ITFG1: variants seen among roughly 807,000 people sequenced by gnomAD.
ITFG1 encodes integrin alpha FG-GAP repeat containing 1, also known as T-cell immunomodulatory protein.
Under a neutral mutation model 81.8 loss-of-function variants are expected in ITFG1, and 34 were observed. That is an observed-to-expected ratio of 0.42 (90% confidence interval 0.32 to 0.55). The LOEUF is 0.55. Among genes scored for constraint, ITFG1 ranks in the 20% least tolerant of loss-of-function variants. The pLI, the probability that ITFG1 is intolerant of heterozygous loss-of-function variation, is 0.17. For missense variants in ITFG1, 672 were observed against 755.4 expected, an observed-to-expected ratio of 0.89 and a Z score of 1.29; for synonymous variants, 285 against 270.6, an observed-to-expected ratio of 1.05 and a Z score of -0.52.
chr16:47,343,299 T>C lies in ITFG1; in HGVS notation c.802+22489A>G, dbSNP rs752950309. On this transcript the variant is annotated intron_variant, in intron 8 of 17. Coordinates refer to ENST00000320640, the MANE Select transcript of ITFG1 (RefSeq NM_030790.5). ...ACATGAAAAAGGACCCAGCATCTTT[T>C]TGTACTCATACCATGTACAAAAACT... Among the ~76,000 whole-genome samples, 4 of 152,238 alleles carry C rather than the reference T, an allele frequency of 2.6e-5. No homozygotes were observed. In the East Asian group the frequency reaches 5.8e-4, roughly 22 times the overall value.
intron 13 of ITFG1, among the ~76,000 whole-genome samples, chr16:47,220,206 T>C (rs951769081): frequency 1.3e-5 from 2 of 152,218 alleles, no homozygotes; most frequent in Non-Finnish European, 2.9e-5. Context: ...CCAGTTCCTC[T>C]ACACAGTGGT....
In ITFG1 at chr16:47,161,754, G is replaced by A. The variant is rs1235707291; in HGVS notation, c.1657C>T (p.Arg553Ter). 1 of 1,602,906 alleles carries A rather than the reference G, an allele frequency of 6.2e-7. No individual in the cohort carries two copies. Among genetic ancestry groups the A allele is most frequent in the Non-Finnish European group, 8.5e-7 (1 of 1,170,208 alleles). Reference sequence around the variant, plus strand: ...CGGTTCAAGCAAGTACATTACCTTCGAGGGACATTGTGAGGGTATGGAATG... The same window carrying A: ...CGGTTCAAGCAAGTACATTACCTTCAAGGGACATTGTGAGGGTATGGAATG... ...IVIPYPHNVP[R>*]SWSAKLYLTP... is the part of the protein sequence containing the mutation. Residue 553 changes from arginine (R) to a stop codon, truncating the protein, a stop_gained, in exon 16 of 18, where the codon CGA becomes TGA. Transcript: ENST00000320640. LOFTEE classifies it high-confidence loss of function.
intron 6 of ITFG1, among the ~76,000 whole-genome samples, chr16:47,376,945 G>A (rs904082605): frequency 8.4e-6 from 1 of 119,068 alleles, no homozygotes; most frequent in East Asian, 2.7e-4. Flanking sequence ...CCTGGAGACA[G>A]AGGGAGACTC....
intron 6 of ITFG1, among the ~76,000 whole-genome samples, chr16:47,385,673 C>T (rs1968452154): frequency 6.6e-6 from 1 of 152,196 alleles, no homozygotes; most frequent in Non-Finnish European, 1.5e-5. Flanking sequence ...TTCTAATGAA[C>T]CTTCTTTTTC....
rs1021993315 is a variant in ITFG1, at chr16:47,346,836, A to G, written c.802+18952T>C. ...CTGCTGAATTCTACCAAACCATGTA[A>G]AGAAGAACTAATACCAATTCTCAGA... On this transcript the variant is annotated intron_variant, in intron 8 of 17. Transcript: ENST00000320640. Among the ~76,000 whole-genome samples, 8 of 152,206 alleles carry G rather than the reference A, an allele frequency of 5.3e-5. No individual in the cohort carries two copies. The South Asian group carries it at 6.2e-4, about 12-fold the overall frequency.
At chr16:47,319,266 A>G (rs574647028) in intron 8 of ITFG1, among the ~76,000 whole-genome samples, 2 of 152,350 alleles carry the variant, frequency 1.3e-5, no homozygotes, top group South Asian at 4.1e-4. Flanking sequence ...CTCATTGCAG[A>G]TAAAAGTTTT....
intron 8 of ITFG1, among the ~76,000 whole-genome samples, chr16:47,361,288 G>C (rs1968105809): frequency 6.6e-6 from 1 of 152,048 alleles, no homozygotes; most frequent in African/African-American, 2.4e-5. Context: ...AAAAAATGCT[G>C]ACATTCTGTA....
chr16:47,259,336 G>C (rs1347872861), intron 11 of ITFG1, among the ~76,000 whole-genome samples: 2 of 151,972 alleles, frequency 1.3e-5, no homozygotes, highest in African/African-American at 4.8e-5. Flanking sequence ...TTAACTATTT[G>C]ACTTTCATAG....
At chr16:47,190,934 TGAAGGAGAA>T (rs1965284518) in intron 14 of ITFG1, among the ~76,000 whole-genome samples, 1 of 152,172 alleles carries the variant, frequency 6.6e-6, no homozygotes, top group Non-Finnish European at 1.5e-5. Context: ...TCTTTCATCC[TGAAGGAGAA>T]TAGCCTGGCT....
chr16:47,428,877 T>C lies in ITFG1; in HGVS notation c.582A>G (p.Ala194=). ...LLGGNLSWHP[A]LTTTSKMRIP... is the part of the protein sequence containing the mutation. Reference sequence around the variant, plus strand: ...TTCGCATTTTACTTGTAGTGGTCAATGCTGGATGCCATGATAAATTCCTAA... The same window carrying C: ...TTCGCATTTTACTTGTAGTGGTCAACGCTGGATGCCATGATAAATTCCTAA... Residue 194 remains alanine (A), a synonymous_variant, in exon 6 of 18, where the codon GCA becomes GCG. Transcript: ENST00000320640. 1.3e-6 allele frequency: 2 copies of C among 1,597,080 alleles called. No individual in the cohort carries two copies. Among genetic ancestry groups the C allele is most frequent in the African/African-American group, 1.3e-5 (1 of 74,612 alleles).
intron 8 of ITFG1, among the ~76,000 whole-genome samples, chr16:47,357,450 T>A (rs561199460): frequency 7.8e-4 from 118 of 151,768 alleles, no homozygotes; most frequent in African/African-American, 2.8e-3. Flanking sequence ...CCGTCTCTAC[T>A]AAAAATACAA....
At chr16:47,349,970 T>C (rs532960100) in intron 8 of ITFG1, among the ~76,000 whole-genome samples, 1 of 152,204 alleles carries the variant, frequency 6.6e-6, no homozygotes, top group South Asian at 2.1e-4. Flanking sequence ...ACTAGGTAGG[T>C]AAATAACGAA....
intron 14 of ITFG1, among the ~76,000 whole-genome samples, chr16:47,189,303 C>G (rs532511567): frequency 6.6e-6 from 1 of 152,112 alleles, no homozygotes; most frequent in African/African-American, 2.4e-5. Context: ...GCAACTGACA[C>G]CAATTCCAGA....
intron 14 of ITFG1, among the ~76,000 whole-genome samples, chr16:47,195,695 A>G (rs908064416): frequency 1.8e-4 from 27 of 151,982 alleles, no homozygotes; most frequent in Non-Finnish European, 8.8e-5. Context: ...TGTTTGTCTG[A>G]TAGCCTTTAT....
intron 7 of ITFG1, among the ~76,000 whole-genome samples, chr16:47,374,667 C>G (rs1178277846): frequency 6.6e-6 from 1 of 152,136 alleles, no homozygotes; most frequent in African/African-American, 2.4e-5. Flanking sequence ...AACCATATTT[C>G]TATTATCAGA....
chr16:47,412,518 C>T (rs1270936422), intron 6 of ITFG1, among the ~76,000 whole-genome samples: 7 of 151,842 alleles, frequency 4.6e-5, no homozygotes, highest in African/African-American at 1.7e-4. Flanking sequence ...CCAGTCTCTA[C>T]TGAAGATTTA....
chr16:47,258,894 A>G (rs1966172136), intron 11 of ITFG1, among the ~76,000 whole-genome samples, 154 bp from the exon 12 acceptor site: 1 of 152,216 alleles, frequency 6.6e-6, no homozygotes, highest in South Asian at 2.1e-4. Context: ...AAAAATAGGT[A>G]GTATATACAC....
chr16:47,458,336 AT>A (rs1393697846), intron 2 of ITFG1, among the ~76,000 whole-genome samples: 1 of 152,112 alleles, frequency 6.6e-6, no homozygotes, highest in African/African-American at 2.4e-5. Flanking sequence ...TTTATCTCTT[AT>A]AAATGCTCTG....
chr16:47,410,810 C>A (rs537206285), intron 6 of ITFG1, among the ~76,000 whole-genome samples: 13 of 152,172 alleles, frequency 8.5e-5, no homozygotes, highest in Non-Finnish European at 1.8e-4. Context: ...ATTGAGCCTG[C>A]GCAGAGGTTG....
Sources: gnomAD v4.1 joint callset for allele counts (sites outside exome capture counted in the v4.1 genomes callset) on GRCh38, gnomAD v4.1.1 for gene constraint, MANE v1.5 for transcripts, NCBI Gene and HGNC (gene_info 2026-07-23, HGNC 2026-07-21) for gene names.